The following MIPEP variants were observed in gnomAD, a reference collection of about 807,000 sequenced individuals.
MIPEP encodes mitochondrial intermediate peptidase.
Under a neutral mutation model 90.3 loss-of-function variants are expected in MIPEP, and 79 were observed. The observed-to-expected ratio is 0.87, with a 90% CI of 0.73 to 1.05. MIPEP has a LOEUF of 1.05. Among genes scored for constraint, MIPEP ranks in the 50% least tolerant of loss-of-function variants. The pLI, the probability that MIPEP is intolerant of heterozygous loss-of-function variation, is 0.00. For synonymous variants in MIPEP, 334 were observed against 315.8 expected (o/e 1.06, Z -0.61); for missense variants, 940 against 905.6 (o/e 1.04, Z -0.49).
chr13:23,739,559 G>A (rs963267167), intron 18 of MIPEP, among the ~76,000 whole-genome samples: 2 of 152,178 alleles, frequency 1.3e-5, no homozygotes, highest in Non-Finnish European at 2.9e-5. Context: ...AGGAAAACAC[G>A]AAGTTGGTAG....
At chr13:23,780,887 G>A (rs899258130) in intron 16 of MIPEP, among the ~76,000 whole-genome samples, 1 of 152,120 alleles carries the variant, frequency 6.6e-6, no homozygotes, top group Non-Finnish European at 1.5e-5. Flanking sequence ...AATGAAGCGA[G>A]AAGAGAAGTT....
intron 15 of MIPEP, among the ~76,000 whole-genome samples, chr13:23,806,594 C>T (rs754085615): frequency 1.3e-5 from 2 of 151,812 alleles, no homozygotes; most frequent in Non-Finnish European, 2.9e-5. Flanking sequence ...AGGAGAATGG[C>T]GTGAACCTGG....
chr13:23,775,086 A>G (rs1952698518), intron 16 of MIPEP, among the ~76,000 whole-genome samples: 2 of 149,040 alleles, frequency 1.3e-5, no homozygotes, highest in African/African-American at 2.5e-5. Flanking sequence ...AGCATGAGTC[A>G]CTGCACCCAG....
chr13:23,731,563 T>C (rs1366134220), intron 18 of MIPEP, among the ~76,000 whole-genome samples: 2 of 152,190 alleles, frequency 1.3e-5, no homozygotes, highest in Non-Finnish European at 2.9e-5. Flanking sequence ...GCATGAAGTA[T>C]CTTTGTGACC....
intron 16 of MIPEP, among the ~76,000 whole-genome samples, chr13:23,768,326 C>T (rs1456577618): frequency 6.6e-6 from 1 of 152,168 alleles, no homozygotes; most frequent in Non-Finnish European, 1.5e-5. Flanking sequence ...TTTGTTTCTA[C>T]CATGTCTGCT....
chr13:23,858,586 T>C (rs959085165), intron 10 of MIPEP, among the ~76,000 whole-genome samples: 3 of 151,782 alleles, frequency 2.0e-5, no homozygotes, highest in Non-Finnish European at 4.4e-5. Context: ...AGCAATGGGA[T>C]ACAACAAGGA....
chr13:23,843,290 T>A (rs1305540362), intron 10 of MIPEP, among the ~76,000 whole-genome samples: 1 of 151,836 alleles, frequency 6.6e-6, no homozygotes, highest in East Asian at 1.9e-4. Flanking sequence ...CAGGGATAAA[T>A]GTAGAAAGAA....
intron 12 of MIPEP, among the ~76,000 whole-genome samples, chr13:23,838,166 T>A (rs1379988906): frequency 6.6e-6 from 1 of 152,086 alleles, no homozygotes; most frequent in Non-Finnish European, 1.5e-5. Flanking sequence ...TTTTTTAAGA[T>A]AGGGTCTTGC....
chr13:23,851,374 G>A (rs563297790), intron 10 of MIPEP, among the ~76,000 whole-genome samples: 7 of 152,264 alleles, frequency 4.6e-5, no homozygotes, highest in South Asian at 2.1e-4. Flanking sequence ...TTATAATGAC[G>A]CTTTACAAAG....
In MIPEP at chr13:23,769,961, G is replaced by C. The variant is rs200636186; in HGVS notation, c.1849-9744C>G. Among the ~76,000 whole-genome samples the C allele has an allele frequency of 3.3e-5, 5 of 152,094 alleles. No individual in the cohort carries two copies. In the East Asian group the frequency reaches 9.6e-4, roughly 29 times the overall value. ...ACACTCAGCACCCTTGCCATGTGAG[G>C]CCCTTTCCCATCTTGGGACTCTGCG... On this transcript the variant is annotated intron_variant, in intron 16 of 18. Coordinates refer to ENST00000382172, the MANE Select transcript of MIPEP (RefSeq NM_005932.4).
In MIPEP at chr13:23,870,180, C is replaced by T. The variant is rs75201894; in HGVS notation, c.619G>A (p.Asp207Asn). 1.2e-3 allele frequency: 1,972 copies of T among 1,603,296 alleles called. 18 individuals carry two copies. In the African/African-American group the frequency reaches 0.023, roughly 19 times the overall value. ...AAATCCAAGATTTTAACATTGAGGT[C>T]CACTGCTCTTTTACGCTGTATGCAG... ...LDKEKRKRAV[D>N]LNVKILDLSS... The change falls in exon 6 of 19, where the codon GAC (aspartate) becomes AAC (asparagine). Residue 207 changes from aspartate (D) to asparagine (N), a missense_variant. Asp to Asn is a conservative substitution (Grantham distance 23). Transcript: ENST00000382172.
At chr13:23,731,653 T>C (rs1328825682) in intron 18 of MIPEP, among the ~76,000 whole-genome samples, 2 of 152,202 alleles carry the variant, frequency 1.3e-5, no homozygotes, top group East Asian at 1.9e-4. Context: ...AAATTTAAAA[T>C]GTCTCTTGAA....
chr13:23,863,849 A>T (rs1870414534), intron 8 of MIPEP, among the ~76,000 whole-genome samples: 1 of 152,252 alleles, frequency 6.6e-6, no homozygotes, highest in South Asian at 2.1e-4. Context: ...TCATGGTACA[A>T]GTTAAAATAA....
At chr13:23,754,766 C>T (rs1056771326) in intron 18 of MIPEP, among the ~76,000 whole-genome samples, 8 of 152,222 alleles carry the variant, frequency 5.3e-5, no homozygotes, top group Non-Finnish European at 1.0e-4. Flanking sequence ...AAACTCACCG[C>T]TTATTTCCGC....
At chr13:23,759,499 C>T (rs947031402) in intron 17 of MIPEP, among the ~76,000 whole-genome samples, 1 of 151,362 alleles carries the variant, frequency 6.6e-6, no homozygotes, top group Admixed American at 6.6e-5. Context: ...ATCCCCCACA[C>T]CCCCCTAGAC....
At chr13:23,748,875 G>A (rs1056561194) in intron 18 of MIPEP, among the ~76,000 whole-genome samples, 42 of 152,066 alleles carry the variant, frequency 2.8e-4, no homozygotes, top group African/African-American at 8.7e-4. Flanking sequence ...CCTGTCAGGC[G>A]TTAAGGCTTA....
intron 16 of MIPEP, among the ~76,000 whole-genome samples, chr13:23,787,826 T>C: frequency 6.6e-6 from 1 of 152,184 alleles, no homozygotes; most frequent in East Asian, 1.9e-4. Flanking sequence ...ATGGATGTTA[T>C]ATCTAGAACT....
chr13:23,781,901 C>T (rs996568143), intron 16 of MIPEP, among the ~76,000 whole-genome samples: 1 of 152,150 alleles, frequency 6.6e-6, no homozygotes, highest in Non-Finnish European at 1.5e-5. Context: ...ACAAGAAGAG[C>T]TAACTATTTT....
In MIPEP at chr13:23,775,109, C is replaced by CTGTGTGTGTGTGTGTG. The variant is rs57354012; in HGVS notation, c.1849-14908_1849-14893dup. On this transcript the variant is annotated intron_variant, in intron 16 of 18. Transcript: ENST00000382172. Reference sequence around the variant, plus strand: ...TCACTGCACCCAGCCTATCAGTTCTCTGTGTGTGTGTGTGTGTGTGTGTGT... The same window carrying CTGTGTGTGTGTGTGTG: ...TCACTGCACCCAGCCTATCAGTTCTCTGTGTGTGTGTGTGTGTGTGTGTGTGTGTGTGTGTGTGTGT... Among the ~76,000 whole-genome samples the CTGTGTGTGTGTGTGTG allele has an allele frequency of 1.5e-4, 23 of 149,194 alleles. No individual in the cohort carries two copies. In the South Asian group the frequency reaches 2.8e-3, roughly 18 times the overall value.
Sources: allele counts gnomAD v4.1 joint callset (sites outside exome capture counted in the v4.1 genomes callset), GRCh38; gene constraint gnomAD v4.1.1; transcripts MANE v1.5; gene names NCBI Gene and HGNC (gene_info 2026-07-23, HGNC 2026-07-21).